The following PDIA5 variants were observed in gnomAD, a reference collection of about 807,000 sequenced individuals.
PDIA5 encodes the protein protein disulfide isomerase family A member 5, also known as protein disulfide-isomerase A5.
A neutral mutation model predicts 77.6 loss-of-function variants in PDIA5; 58 were observed. The observed-to-expected ratio is 0.75, with a 90% CI of 0.61 to 0.93. The LOEUF (loss-of-function observed/expected upper bound fraction) is 0.93, where lower values mean the gene tolerates loss of function less well. PDIA5 is among the 40% of genes least tolerant of loss of function. The pLI is 0.00. For missense variants in PDIA5, 630 were observed against 647.7 expected, an observed-to-expected ratio of 0.97 and a Z score of 0.30; for synonymous variants, 250 against 252.1, an observed-to-expected ratio of 0.99 and a Z score of 0.08.
At chr3:123,111,782 T>A (rs1323202994) in intron 7 of PDIA5, among the ~76,000 whole-genome samples, 2 of 152,246 alleles carry the variant, frequency 1.3e-5, no homozygotes, top group Non-Finnish European at 2.9e-5. Flanking sequence ...TATATGCAAA[T>A]AAGCTGAGAC....
intron 11 of PDIA5, among the ~76,000 whole-genome samples, chr3:123,132,159 A>G (rs750043638): frequency 6.6e-5 from 10 of 152,174 alleles, no homozygotes; most frequent in African/African-American, 2.4e-4. Flanking sequence ...CGTCACACAG[A>G]GAAATGACAT....
chr3:123,086,364 G>A (rs903082263), intron 1 of PDIA5, among the ~76,000 whole-genome samples: 6 of 152,180 alleles, frequency 3.9e-5, no homozygotes, highest in African/African-American at 1.4e-4. Flanking sequence ...CATTGGCTAG[G>A]CATCTTAGCT....
At chr3:123,126,244 C>T (rs1055596075) in intron 10 of PDIA5, among the ~76,000 whole-genome samples, 2 of 152,042 alleles carry the variant, frequency 1.3e-5, no homozygotes, top group East Asian at 1.9e-4. Flanking sequence ...CACCCCATCC[C>T]GGCTCCCCCA....
At chr3:123,113,256 C>T (rs140437513) in intron 7 of PDIA5, among the ~76,000 whole-genome samples, 9 of 152,292 alleles carry the variant, frequency 5.9e-5, no homozygotes, top group Admixed American at 1.3e-4. Context: ...AGACGGCATC[C>T]GGGTGTAACC....
At chr3:123,153,626 C>T (rs1244892347) in intron 14 of PDIA5, among the ~76,000 whole-genome samples, 2 of 152,164 alleles carry the variant, frequency 1.3e-5, no homozygotes, top group African/African-American at 4.8e-5. Context: ...TCTGCTCCTT[C>T]TGCATGAGAC....
chr3:123,161,400 C>T lies in PDIA5; in HGVS notation c.1424C>T (p.Thr475Ile). The T allele has an allele frequency of 6.2e-7, 1 of 1,614,230 alleles. No homozygotes were observed. The highest frequency in any genetic ancestry group is 8.5e-7 in the Non-Finnish European group (1 of 1,180,026). The part of the protein sequence containing the change: ...CQQEAVKGYP[T>I]FHYYHYGKFA... Reference sequence around the variant, plus strand: ...CAGGAGGCGGTCAAGGGCTACCCCACTTTCCACTACTACCACTATGGGAAG... The same window carrying T: ...CAGGAGGCGGTCAAGGGCTACCCCATTTTCCACTACTACCACTATGGGAAG... The change falls in exon 16 of 17, where the codon ACT (threonine) becomes ATT (isoleucine). Residue 475 changes from threonine (T) to isoleucine (I), a missense_variant. Transcript: ENST00000316218.
At chr3:123,073,374 G>A (rs950030698) in intron 1 of PDIA5, among the ~76,000 whole-genome samples, 3 of 152,196 alleles carry the variant, frequency 2.0e-5, no homozygotes, top group African/African-American at 7.2e-5. Flanking sequence ...GCTTGAATGT[G>A]TAAGCAGCTG....
intron 5 of PDIA5, among the ~76,000 whole-genome samples, chr3:123,103,801 G>A (rs1210281869): frequency 1.3e-5 from 2 of 152,228 alleles, no homozygotes; most frequent in Admixed American, 6.5e-5. Flanking sequence ...GAGTTGCTCA[G>A]CCCTTCTTAT....
At chr3:123,069,470 A>G (rs1487820811) in intron 1 of PDIA5, among the ~76,000 whole-genome samples, 1 of 152,220 alleles carries the variant, frequency 6.6e-6, no homozygotes, top group Non-Finnish European at 1.5e-5. Flanking sequence ...TTGGCCTGCT[A>G]TAAGAAATAT....
At chr3:123,114,243 G>C (rs836836) in intron 7 of PDIA5, among the ~76,000 whole-genome samples, 115,482 of 152,070 alleles carry the variant, frequency 0.76, 44,227 homozygotes, top group Non-Finnish European at 0.81. Context: ...GGGTCAGACT[G>C]AAGTCACTGA....
intron 1 of PDIA5, among the ~76,000 whole-genome samples, chr3:123,078,855 G>A (rs888220797): frequency 6.6e-6 from 1 of 152,120 alleles, no homozygotes; most frequent in African/African-American, 2.4e-5. Flanking sequence ...TTATATCAGG[G>A]GGCACCTGAC....
chr3:123,153,104 G>T lies in PDIA5; in HGVS notation c.1274-1867G>T, dbSNP rs77904362. On this transcript the variant is annotated intron_variant, in intron 14 of 16. Coordinates refer to ENST00000316218, the MANE Select transcript of PDIA5 (RefSeq NM_006810.4). ...CTCATTGGCCCCACTCTTTCTTTCG[G>T]ATAATGAGAAAATTAGATGCAACAG... 5.8e-3 allele frequency among the ~76,000 whole-genome samples: 884 copies of T among 152,134 alleles called. 3 individuals carry two copies. The highest frequency in any genetic ancestry group is 0.02 in the African/African-American group (819 of 41,484).
chr3:123,092,262 G>T (rs1934309861), intron 2 of PDIA5, 93 bp from the exon 3 acceptor site: 3 of 972,582 alleles, frequency 3.1e-6, no homozygotes, highest in Non-Finnish European at 4.8e-6. Flanking sequence ...CTCTAGGATT[G>T]GTCTCCATCC....
rs1933582994 is a variant in PDIA5, at chr3:123,067,073, G to A, written c.-92G>A. 9.3e-7 allele frequency: 1 copy of A among 1,070,578 alleles called. No homozygotes were observed. The highest frequency in any genetic ancestry group is 1.2e-6 in the Non-Finnish European group (1 of 838,948). 66.3% of individuals were successfully genotyped at this position (1,070,578 alleles called of 1,614,324 possible). The stretch of plus-strand genomic sequence containing the variant: ...GGCGGGGAGCGGCTGGGAAGTGGCC[G>A]TGGTGGTTGGCCGCGGTGGAGCTAG... On this transcript the variant is annotated 5_prime_UTR_variant, in exon 1 of 17. In the 5' UTR this introduces an upstream ATG that the reference lacks. Coordinates refer to ENST00000316218, the MANE Select transcript of PDIA5 (RefSeq NM_006810.4).
chr3:123,153,144 G>A (rs1935951420), intron 14 of PDIA5, among the ~76,000 whole-genome samples: 1 of 152,166 alleles, frequency 6.6e-6, no homozygotes, highest in Admixed American at 6.6e-5. Context: ...CCATTAATCT[G>A]AGGCCTAGAT....
In PDIA5 at chr3:123,098,199, G is replaced by A. The variant is rs138045889; in HGVS notation, c.258-4212G>A. Among the ~76,000 whole-genome samples the A allele has an allele frequency of 4.5e-3, 688 of 152,242 alleles. 5 individuals carry two copies. The highest frequency in any genetic ancestry group is 0.015 in the African/African-American group (639 of 41,526). On this transcript the variant is annotated intron_variant, in intron 3 of 16. Coordinates refer to ENST00000316218, the MANE Select transcript of PDIA5 (RefSeq NM_006810.4). The stretch of plus-strand genomic sequence containing the variant: ...CATTCAGCTTATGTGGATAACTCCG[G>A]CATTTTGCAGCTCAGGAAACTAAGG...
At chr3:123,117,374 T>TATATATA (rs1935019779) in intron 8 of PDIA5, among the ~76,000 whole-genome samples, 2 of 79,876 alleles carry the variant, frequency 2.5e-5, no homozygotes, top group Admixed American at 1.5e-4. Flanking sequence ...TTCTATGATT[T>TATATATA]TATATATATA....
At chr3:123,100,642 G>C (rs1934566021) in intron 3 of PDIA5, among the ~76,000 whole-genome samples, 1 of 152,190 alleles carries the variant, frequency 6.6e-6, no homozygotes, top group South Asian at 2.1e-4. Context: ...GTGGAAGGGG[G>C]CAGGGAGACA....
chr3:123,145,872 G>A (rs1028187932), intron 12 of PDIA5, among the ~76,000 whole-genome samples: 4 of 152,178 alleles, frequency 2.6e-5, no homozygotes, highest in Non-Finnish European at 5.9e-5. Context: ...TCTACTCAAC[G>A]TGGCTGGTGG....
Sources: gnomAD v4.1 joint callset for allele counts (sites outside exome capture counted in the v4.1 genomes callset) on GRCh38, gnomAD v4.1.1 for gene constraint, MANE v1.5 for transcripts, NCBI Gene and HGNC (gene_info 2026-07-23, HGNC 2026-07-21) for gene names.